The following SNAPC1 variants were observed in gnomAD, a reference collection of about 807,000 sequenced individuals.
SNAPC1 encodes the protein snRNA-activating protein complex subunit 1.
Under a neutral mutation model 50.1 loss-of-function variants are expected in SNAPC1, and 42 were observed. The observed-to-expected ratio is 0.84, with a 90% CI of 0.65 to 1.08. The LOEUF is 1.08. Ranked by LOEUF, SNAPC1 falls within the 50% of genes least tolerant of loss-of-function variation. The probability of loss-of-function intolerance (pLI) is 0.00; values close to 1 mark genes in which losing one functional copy is unlikely to be tolerated. For missense variants in SNAPC1, 477 were observed against 427.3 expected (o/e 1.12, Z -1.02); for synonymous variants, 164 against 144.2 (o/e 1.14, Z -0.98).
At position 61,762,506 on chromosome 14, in the gene SNAPC1, A is replaced by C. The variant is rs547921284; in HGVS notation, c.46A>C (p.Ser16Arg). 5 of 1,428,568 alleles carry C rather than the reference A, an allele frequency of 3.5e-6. No homozygotes were observed. The highest frequency in any genetic ancestry group is 4.3e-5 in the Admixed American group (2 of 46,228). 88.5% of individuals were successfully genotyped at this position (1,428,568 alleles called of 1,614,324 possible). A position where few individuals can be genotyped will look rare whatever the true frequency, so the allele number is the denominator to read the frequency against. Residue 16 changes from serine to arginine, a missense_variant, in exon 1 of 10, where the codon AGC becomes CGC. Ser to Arg is a moderately radical substitution (Grantham distance 110). Coordinates refer to ENST00000216294, the MANE Select transcript of SNAPC1 (RefSeq NM_003082.4). ...GLQTDCEALL[S>R]RFQETDSVRF... is the part of the protein sequence containing the mutation. The stretch of plus-strand genomic sequence containing the variant: ...GCAGACCGACTGCGAGGCGCTGCTC[A>C]GCCGCTTCCAGGAGACGGACAGTGT...
At chr14:61,767,375 G>A in intron 3 of SNAPC1, 23 bp downstream of exon 3, 1 of 1,389,586 alleles carries the variant, frequency 7.2e-7, no homozygotes, top group East Asian at 2.7e-5. Flanking sequence ...AAATAATTTG[G>A]TTTTTTCAAA....
In SNAPC1 at chr14:61,762,512, T is replaced by C. The variant is rs758169048; in HGVS notation, c.52T>C (p.Phe18Leu). ...QTDCEALLSR[F>L]QETDSVRFED... ...CGACTGCGAGGCGCTGCTCAGCCGCTTCCAGGAGACGGACAGTGTACGCTT... is the reference window on the plus strand; with the variant it reads ...CGACTGCGAGGCGCTGCTCAGCCGCCTCCAGGAGACGGACAGTGTACGCTT... The change falls in exon 1 of 10, where the codon TTC becomes CTC. Residue 18 changes from phenylalanine (F) to leucine (L), a missense_variant. Coordinates refer to ENST00000216294, the MANE Select transcript of SNAPC1 (RefSeq NM_003082.4). 6.7e-7 allele frequency: 1 copy of C among 1,502,370 alleles called. No individual in the cohort carries two copies. Among genetic ancestry groups the C allele is most frequent in the Admixed American group, 2.0e-5 (1 of 48,990 alleles). The allele number at this position is 1,502,370 out of a possible 1,614,324, so 93.1% of individuals were successfully genotyped here.
intron 7 of SNAPC1, among the ~76,000 whole-genome samples, chr14:61,779,315 C>G (rs2045055417): frequency 1.3e-5 from 2 of 152,150 alleles, no homozygotes; most frequent in Admixed American, 1.3e-4. Context: ...GACCTCCTTT[C>G]AATCTGATAT....
intron 1 of SNAPC1, among the ~76,000 whole-genome samples, 190 bp from the exon 2 acceptor site, chr14:61,766,686 T>C (rs956036217): frequency 6.6e-6 from 1 of 152,242 alleles, no homozygotes; most frequent in African/African-American, 2.4e-5. Context: ...TTTTGGAAGC[T>C]GCGTCATGTT....
At position 61,778,874 on chromosome 14, in the gene SNAPC1, G is replaced by T; in HGVS notation, c.789G>T (p.Ala263=). The T allele has an allele frequency of 6.4e-7, 1 of 1,558,288 alleles. No individual in the cohort carries two copies. Among genetic ancestry groups the T allele is most frequent in the Non-Finnish European group, 8.6e-7 (1 of 1,158,444 alleles). ...TERCERAESL[A]KIKSKAFSVV... ...GATGTGAAAGGGCAGAATCATTAGC[G>T]AAAATAAAATCAAAGGCCTTTTCAG... The change falls in exon 7 of 10, where the codon GCG becomes GCT. Residue 263 remains alanine, a synonymous_variant. Coordinates refer to ENST00000216294, the MANE Select transcript of SNAPC1 (RefSeq NM_003082.4).
chr14:61,774,097 G>A (rs2045015990), intron 4 of SNAPC1, among the ~76,000 whole-genome samples: 1 of 151,656 alleles, frequency 6.6e-6, no homozygotes, highest in South Asian at 2.1e-4. Flanking sequence ...CACTATGTTT[G>A]AATGTCCAAG....
intron 7 of SNAPC1, among the ~76,000 whole-genome samples, chr14:61,779,370 T>C (rs995663964): frequency 6.6e-6 from 1 of 152,160 alleles, no homozygotes; most frequent in African/African-American, 2.4e-5. Flanking sequence ...TTGATACAAA[T>C]ATTCTTTCCT....
intron 4 of SNAPC1, among the ~76,000 whole-genome samples, chr14:61,775,707 T>A (rs527318504): frequency 6.6e-6 from 1 of 152,348 alleles, no homozygotes; most frequent in South Asian, 2.1e-4. Flanking sequence ...GTAAATATTC[T>A]TGATGTGACA....
At chr14:61,792,249 A>G (rs553469376) in intron 8 of SNAPC1, among the ~76,000 whole-genome samples, 1 of 152,202 alleles carries the variant, frequency 6.6e-6, no homozygotes, top group Admixed American at 6.5e-5. Flanking sequence ...TGATATGACA[A>G]TGGTATCTGA....
chr14:61,775,384 T>A (rs550416826), intron 4 of SNAPC1, among the ~76,000 whole-genome samples: 4 of 151,934 alleles, frequency 2.6e-5, no homozygotes, highest in South Asian at 4.2e-4. Flanking sequence ...GCCTCCCAGG[T>A]AGCTGGGATT....
intron 9 of SNAPC1, among the ~76,000 whole-genome samples, chr14:61,793,624 C>T (rs1344145390): frequency 6.7e-6 from 1 of 150,230 alleles, no homozygotes; most frequent in Non-Finnish European, 1.5e-5. Context: ...TTTTGTTTTT[C>T]ACTGGTGGGG....
chr14:61,780,180 A>C (rs1384864486), intron 7 of SNAPC1, among the ~76,000 whole-genome samples: 1 of 152,170 alleles, frequency 6.6e-6, no homozygotes, highest in Non-Finnish European at 1.5e-5. Context: ...GGTGGGAAAT[A>C]AGCCCAGCTG....
chr14:61,782,027 A>G (rs8021900), intron 7 of SNAPC1, among the ~76,000 whole-genome samples: 52,675 of 152,118 alleles, frequency 0.35, 9,565 homozygotes, highest in South Asian at 0.44. Flanking sequence ...TGAGTAGATG[A>G]TGATGACAGC....
chr14:61,784,729 C>A lies in SNAPC1; in HGVS notation c.976+2332C>A, dbSNP rs144339277. Among the ~76,000 whole-genome samples, 201 of 152,324 alleles carry A rather than the reference C, an allele frequency of 1.3e-3. 1 individual carries two copies. Among genetic ancestry groups the A allele is most frequent in the Non-Finnish European group, 1.6e-3 (111 of 68,030 alleles). On this transcript the variant is annotated intron_variant, in intron 8 of 9. Transcript: ENST00000216294. The stretch of plus-strand genomic sequence containing the variant: ...CCCTAGGTAAAATAGAAGATTATTT[C>A]TTTAATCTTTAAAGTGTGTGTGTGC...
chr14:61,781,792 C>T (rs1431022264), intron 7 of SNAPC1, among the ~76,000 whole-genome samples: 3 of 152,226 alleles, frequency 2.0e-5, no homozygotes, highest in Admixed American at 2.0e-4. Context: ...ACCACATACC[C>T]CGCCTGCTTG....
intron 3 of SNAPC1, 36 bp downstream of exon 3, chr14:61,767,388 G>T: frequency 1.5e-6 from 2 of 1,332,674 alleles, no homozygotes; most frequent in South Asian, 4.1e-5. Flanking sequence ...TTTTCAAAAT[G>T]AGCAATTATA....
At chr14:61,762,921 A>G (rs1408068621) in intron 1 of SNAPC1, among the ~76,000 whole-genome samples, 3 of 150,668 alleles carry the variant, frequency 2.0e-5, no homozygotes, top group Admixed American at 6.6e-5. Context: ...TTAAAAACAC[A>G]CAAGCAAAGA....
chr14:61,784,596 G>C (rs1009415392), intron 8 of SNAPC1, among the ~76,000 whole-genome samples: 2 of 152,214 alleles, frequency 1.3e-5, no homozygotes, highest in East Asian at 3.9e-4. Flanking sequence ...TGTGAAAGTA[G>C]CTATAGATAA....
intron 8 of SNAPC1, among the ~76,000 whole-genome samples, chr14:61,787,108 A>G (rs2045119875): frequency 6.6e-6 from 1 of 152,088 alleles, no homozygotes; most frequent in African/African-American, 2.4e-5. Flanking sequence ...CAGAAAACAT[A>G]TATTTGGTTG....
Sources: allele counts gnomAD v4.1 joint callset (sites outside exome capture counted in the v4.1 genomes callset), GRCh38; gene constraint gnomAD v4.1.1; transcripts MANE v1.5; gene names NCBI Gene and HGNC (gene_info 2026-07-23, HGNC 2026-07-21).